The following OSBPL10 variants were observed in gnomAD, a reference collection of about 807,000 sequenced individuals.
OSBPL10 encodes oxysterol-binding protein-related protein 10.
OSBPL10 carries 49 observed loss-of-function variants against 81.7 expected under a neutral mutation model. The ratio of observed to expected loss-of-function variants is 0.60; its 90% CI spans 0.48 to 0.76. OSBPL10 has a LOEUF of 0.76. OSBPL10 is among the 30% of genes least tolerant of loss of function. The pLI, the probability that OSBPL10 is intolerant of heterozygous loss-of-function variation, is 0.00. For missense variants in OSBPL10, 923 were observed against 987.8 expected (o/e 0.93, Z 0.88); for synonymous variants, 419 against 383.6 (o/e 1.09, Z -1.08).
At chr3:31,978,786 A>G (rs985298024) in intron 1 of OSBPL10, among the ~76,000 whole-genome samples, 1 of 152,198 alleles carries the variant, frequency 6.6e-6, no homozygotes, top group African/African-American at 2.4e-5. Flanking sequence ...TGTACTTAAT[A>G]CCACATTTCA....
At chr3:31,728,166 A>C (rs1453606062) in intron 6 of OSBPL10, among the ~76,000 whole-genome samples, 1 of 152,242 alleles carries the variant, frequency 6.6e-6, no homozygotes, top group Admixed American at 6.5e-5. Context: ...CAGTACATAA[A>C]GATATTATAA....
chr3:31,947,277 C>A (rs1027350266), intron 1 of OSBPL10, among the ~76,000 whole-genome samples: 1 of 152,114 alleles, frequency 6.6e-6, no homozygotes, highest in Non-Finnish European at 1.5e-5. Context: ...TGGATCTAGG[C>A]ACGAACAAGG....
At chr3:31,913,820 A>G (rs1212990236) in intron 1 of OSBPL10, among the ~76,000 whole-genome samples, 3 of 152,122 alleles carry the variant, frequency 2.0e-5, no homozygotes, top group Non-Finnish European at 4.4e-5. Flanking sequence ...TCTCTAACCC[A>G]CCAAAATCTA....
Position 31,743,122 on chromosome 3 carries a change from C to T in OSBPL10, c.940+4788G>A, listed in dbSNP as rs568886173. On this transcript the variant is annotated intron_variant, in intron 5 of 11. Coordinates refer to ENST00000396556, the MANE Select transcript of OSBPL10 (RefSeq NM_017784.5). ...GTGGTGCGATCTCAGCTCACTGCAACCTCCACCTCCAGGGTTCAAGCGAAT... is the reference window on the plus strand; with the variant it reads ...GTGGTGCGATCTCAGCTCACTGCAATCTCCACCTCCAGGGTTCAAGCGAAT... 4.7e-5 allele frequency among the ~76,000 whole-genome samples: 7 copies of T among 149,748 alleles called. No homozygotes were observed. In the South Asian group the frequency reaches 1.5e-3, roughly 32 times the overall value.
upstream of OSBPL10, among the ~76,000 whole-genome samples, chr3:31,982,912 T>A (rs1351016497): frequency 6.6e-6 from 1 of 152,242 alleles, no homozygotes; most frequent in East Asian, 1.9e-4. Context: ...AGCAATGGAA[T>A]GTGAACAGAA....
At chr3:31,923,734 T>C (rs1411032560) in intron 1 of OSBPL10, among the ~76,000 whole-genome samples, 1 of 151,950 alleles carries the variant, frequency 6.6e-6, no homozygotes. Context: ...CTACAGTGAG[T>C]TATGATTGTG....
At chr3:31,858,498 A>G (rs1700981632) in intron 3 of OSBPL10, among the ~76,000 whole-genome samples, 1 of 152,148 alleles carries the variant, frequency 6.6e-6, no homozygotes, top group Non-Finnish European at 1.5e-5. Flanking sequence ...ACGGAAACTC[A>G]TTCAGTGTCT....
chr3:32,012,073 A>C (rs1002144876), intron 2 of OSBPL10, among the ~76,000 whole-genome samples: 3 of 152,178 alleles, frequency 2.0e-5, no homozygotes, highest in African/African-American at 4.8e-5. Context: ...CCAACATTCA[A>C]ATTCAGGAAA....
chr3:32,035,562 CAAAAAAA>C (rs35533294), intron 2 of OSBPL10, among the ~76,000 whole-genome samples: 2 of 91,062 alleles, frequency 2.2e-5, no homozygotes, highest in African/African-American at 4.8e-5. Context: ...AACTCTGTCT[CAAAAAAA>C]AAAAAAAAAA....
intron 1 of OSBPL10, among the ~76,000 whole-genome samples, chr3:31,980,553 C>A (rs1294971516): frequency 6.6e-6 from 1 of 152,116 alleles, no homozygotes; most frequent in Non-Finnish European, 1.5e-5. Context: ...AGTCATTCTT[C>A]AGGCGTGCGG....
At chr3:31,821,279 T>C (rs2125506678) in intron 4 of OSBPL10, among the ~76,000 whole-genome samples, 1 of 152,074 alleles carries the variant, frequency 6.6e-6, no homozygotes, top group East Asian at 1.9e-4. Flanking sequence ...CCAATGACTC[T>C]CAAACTGTGT....
At chr3:31,980,828 TACACACACGCACGCACACACACACAC>T in intron 1 of OSBPL10, 45 bp downstream of exon 1, 3 of 1,423,624 alleles carry the variant, frequency 2.1e-6, no homozygotes, top group South Asian at 1.4e-5. Context: ...CAGACACACA[TACACACACGCACGCACACACACACAC>T]ACACACACAG....
chr3:32,037,258 C>G (rs1219134828), intron 2 of OSBPL10, among the ~76,000 whole-genome samples: 5 of 152,240 alleles, frequency 3.3e-5, no homozygotes, highest in Admixed American at 2.6e-4. Flanking sequence ...GCACTGCCCT[C>G]TGCAGAAGCT....
intron 4 of OSBPL10, among the ~76,000 whole-genome samples, chr3:31,767,695 AGGTGAC>A (rs1698243450): frequency 6.6e-6 from 1 of 152,196 alleles, no homozygotes; most frequent in Non-Finnish European, 1.5e-5. Flanking sequence ...GGCTAGTGCA[AGGTGAC>A]CCTAATTAAG....
chr3:31,848,106 A>G (rs1700676922), intron 3 of OSBPL10, among the ~76,000 whole-genome samples: 1 of 151,598 alleles, frequency 6.6e-6, no homozygotes, highest in African/African-American at 2.4e-5. Context: ...GCTATACAAG[A>G]TGATGCAGAA....
intron 3 of OSBPL10, among the ~76,000 whole-genome samples, chr3:31,843,225 G>T (rs1484712684): frequency 6.6e-6 from 1 of 152,236 alleles, no homozygotes; most frequent in Non-Finnish European, 1.5e-5. Flanking sequence ...ATGCAAGAGA[G>T]AGTTAACCCC....
chr3:31,890,980 AC>A (rs1695877131), intron 1 of OSBPL10, among the ~76,000 whole-genome samples: 1 of 152,008 alleles, frequency 6.6e-6, no homozygotes, highest in African/African-American at 2.4e-5. Flanking sequence ...TGGGTGAGCA[AC>A]CCCAGTTTAG....
intron 4 of OSBPL10, chr3:31,794,390 G>C (rs757345768): frequency 6.4e-6 from 1 of 156,268 alleles, no homozygotes; most frequent in Admixed American, 6.5e-5. Context: ...GACACCGCAG[G>C]CGATCCACCT....
chr3:31,731,683 T>G (rs939210333), intron 6 of OSBPL10, among the ~76,000 whole-genome samples: 7 of 152,128 alleles, frequency 4.6e-5, no homozygotes, highest in Non-Finnish European at 7.4e-5. Context: ...GAGATGGGGT[T>G]TCACCATGTT....
Sources: allele counts gnomAD v4.1 joint callset (sites outside exome capture counted in the v4.1 genomes callset), GRCh38; gene constraint gnomAD v4.1.1; transcripts MANE v1.5; gene names NCBI Gene and HGNC (gene_info 2026-07-23, HGNC 2026-07-21).